RPLP0: variants seen among roughly 807,000 people sequenced by gnomAD.
The protein encoded by RPLP0 is ribosomal protein lateral stalk subunit P0.
For synonymous variants in RPLP0, 137 were observed against 153.4 expected (o/e 0.89, Z 0.79); for missense variants, 276 against 402.9 (o/e 0.69, Z 2.70).
intron 7 of RPLP0, 91 bp from the exon 8 acceptor site, chr12:120,197,025 A>G (rs1393455636): frequency 1.2e-5 from 19 of 1,578,828 alleles, no homozygotes; most frequent in Non-Finnish European, 1.5e-5. Flanking sequence ...AGGACCAACA[A>G]TATCAAAGTC....
intron 6 of RPLP0, 157 bp from the exon 7 acceptor site, chr12:120,197,619 G>C (rs1879233034): frequency 1.8e-5 from 14 of 796,430 alleles, no homozygotes; most frequent in Middle Eastern, 3.6e-4. Flanking sequence ...GCTCCTGGCA[G>C]AGCAATTCAG....
chr12:120,197,503 A>G (rs1376797902), intron 6 of RPLP0, 41 bp from the exon 7 acceptor site: 10 of 1,604,488 alleles, frequency 6.2e-6, no homozygotes, highest in South Asian at 1.1e-5. Context: ...GATTCCCTAC[A>G]GGAAAGGAAG....
In RPLP0 at chr12:120,198,651, A is replaced by G; in HGVS notation, c.554T>C (p.Phe185Ser). 2.5e-6 allele frequency: 4 copies of G among 1,614,082 alleles called. No individual in the cohort carries two copies. Among genetic ancestry groups the G allele is most frequent in the African/African-American group, 1.3e-5 (1 of 75,046 alleles). The stretch of plus-strand genomic sequence containing the variant: ...GAACACCTGCTGGATGACCAGCCCA[A>G]AGGAGAAGGGGGAGATGTTGAGCAT... ...LNMLNISPFS[F>S]GLVIQQVFDN... The change falls in exon 6 of 8, where the codon TTT (phenylalanine) becomes TCT (serine). Residue 185 changes from phenylalanine to serine, a missense_variant. Physicochemically the swap from Phe to Ser is radical, Grantham distance 155. Coordinates refer to ENST00000392514, the MANE Select transcript of RPLP0 (RefSeq NM_001002.4). This position sits in a 1 kb window ranked among gnomAD's most constrained non-coding sequence, Gnocchi z 4.1.
intron 2 of RPLP0, chr12:120,199,754 G>A: frequency 2.4e-6 from 1 of 421,978 alleles, no homozygotes; most frequent in East Asian, 5.0e-5. Context: ...TACCAGGCAT[G>A]CTTCTGATTC....
chr12:120,198,420 A>G lies in RPLP0; in HGVS notation c.651+134T>C. On this transcript the variant is annotated intron_variant, in intron 6 of 7. Coordinates refer to ENST00000392514, the MANE Select transcript of RPLP0 (RefSeq NM_001002.4). This position sits in a 1 kb window ranked among gnomAD's most constrained non-coding sequence, Gnocchi z 4.1. ...AAAAAAAAAATCCTTCAACAATCTT[A>G]TGTTGTTACTGACATTTTACAGATG... 4.5e-6 allele frequency: 4 copies of G among 891,756 alleles called. No individual in the cohort carries two copies. Among genetic ancestry groups the G allele is most frequent in the Non-Finnish European group, 6.9e-6 (4 of 583,576 alleles). 55.2% of individuals were successfully genotyped at this position (891,756 alleles called of 1,614,324 possible).
intron 2 of RPLP0, 121 bp from the exon 3 acceptor site, chr12:120,199,606 C>T: frequency 9.5e-7 from 1 of 1,049,942 alleles, no homozygotes; most frequent in Non-Finnish European, 1.4e-6. Flanking sequence ...CTTTTGAAGT[C>T]AGAGGGAGAT....
chr12:120,199,978 A>G (rs1879354584), intron 2 of RPLP0: 1 of 454,636 alleles, frequency 2.2e-6, no homozygotes, highest in Non-Finnish European at 4.4e-6. Context: ...AATACAAGCT[A>G]TGCTCTACAA....
rs370086153 is a variant in RPLP0 at position 120,199,874 on chromosome 12, T to G, written c.55-389A>C. ...ACGTTAAGCAAATATAGCAACATTATTATTTGTAAAAACAATCTAGGCGTG... is the reference window on the plus strand; with the variant it reads ...ACGTTAAGCAAATATAGCAACATTAGTATTTGTAAAAACAATCTAGGCGTG... On this transcript the variant is annotated intron_variant, in intron 2 of 7. Coordinates refer to ENST00000392514, the MANE Select transcript of RPLP0 (RefSeq NM_001002.4). 1.9e-4 allele frequency: 69 copies of G among 370,020 alleles called. 1 individual carries two copies. Among genetic ancestry groups the G allele is most frequent in the East Asian group, 1.2e-3 (16 of 13,482 alleles). 22.9% of individuals were successfully genotyped at this position (370,020 alleles called of 1,614,324 possible). A position where few individuals can be genotyped will look rare whatever the true frequency, so the allele number is the denominator to read the frequency against.
At chr12:120,200,596 TAACTA>T (rs1462480389) in intron 2 of RPLP0, 129 bp downstream of exon 2, 2 of 953,990 alleles carry the variant, frequency 2.1e-6, no homozygotes, top group African/African-American at 3.3e-5. Flanking sequence ...AGGAAATTGT[TAACTA>T]AACAGTATTT....
In RPLP0 at chr12:120,200,848, A is replaced by C; in HGVS notation, c.-48-17T>G. 6.3e-7 allele frequency: 1 copy of C among 1,580,076 alleles called. No homozygotes were observed. Among genetic ancestry groups the C allele is most frequent in the Non-Finnish European group, 8.6e-7 (1 of 1,163,520 alleles). ...ACGATGTCACTGAGGAGAGACAGGG[A>C]GCTCAGGCCTGGTCACGCCGACACC... is the stretch of plus-strand genomic sequence containing the variant. On this transcript the variant is annotated splice_polypyrimidine_tract_variant and intron_variant, in intron 1 of 7. Transcript: ENST00000392514.
In RPLP0 at chr12:120,198,016, C is replaced by T. The variant is rs1566327405; in HGVS notation, c.651+538G>A. On this transcript the variant is annotated intron_variant, in intron 6 of 7. Coordinates refer to ENST00000392514, the MANE Select transcript of RPLP0 (RefSeq NM_001002.4). The surrounding 1 kb of genome is among the most constrained non-coding windows in gnomAD (Gnocchi z 4.1). ...CCATGTCAGCTCACCGCAACCTCCACCTCTTAAAAGGCTTTTGATGGCAAA... is the reference window on the plus strand; with the variant it reads ...CCATGTCAGCTCACCGCAACCTCCATCTCTTAAAAGGCTTTTGATGGCAAA... Among the ~76,000 whole-genome samples, 1 of 152,060 alleles carries T rather than the reference C, an allele frequency of 6.6e-6. No homozygotes were observed. Among genetic ancestry groups the T allele is most frequent in the Non-Finnish European group, 1.5e-5 (1 of 68,028 alleles).
In RPLP0 at chr12:120,197,310, G is replaced by A. The variant is rs1204888288; in HGVS notation, c.792+12C>T. On this transcript the variant is annotated intron_variant, in intron 7 of 7. Coordinates refer to ENST00000392514, the MANE Select transcript of RPLP0 (RefSeq NM_001002.4). ...AGTCAGGCCCACTGTGGTCCTGGTGGGATCCTTTTACCTTTTCAGCAAGTG... is the reference window on the plus strand; with the variant it reads ...AGTCAGGCCCACTGTGGTCCTGGTGAGATCCTTTTACCTTTTCAGCAAGTG... 2 of 1,612,952 alleles carry A rather than the reference G, an allele frequency of 1.2e-6. No individual in the cohort carries two copies. Among genetic ancestry groups the A allele is most frequent in the Admixed American group, 3.3e-5 (2 of 59,984 alleles).
intron 2 of RPLP0, chr12:120,200,143 C>T: frequency 2.2e-6 from 1 of 455,594 alleles, no homozygotes; most frequent in South Asian, 1.5e-5. Context: ...TCATTCCTGA[C>T]CTCAGACCTT....
In RPLP0 at chr12:120,199,339, C is replaced by G; in HGVS notation, c.201G>C (p.Gly67=). 6.2e-7 allele frequency: 1 copy of G among 1,614,196 alleles called. No individual in the cohort carries two copies. Among genetic ancestry groups the G allele is most frequent in the Non-Finnish European group, 8.5e-7 (1 of 1,180,034 alleles). ...KNTMMRKAIR[G]HLENNPALEK... ...CCAGAGCTGGGTTGTTTTCCAGGTG[C>G]CCTCGGATGGCCTTGCGCATCATGG... The change falls in exon 3 of 8, where the codon GGG becomes GGC. Residue 67 remains glycine, a synonymous_variant. Coordinates refer to ENST00000392514, the MANE Select transcript of RPLP0 (RefSeq NM_001002.4).
chr12:120,199,259 A>G (rs1219977761), intron 3 of RPLP0, 51 bp downstream of exon 3: 1 of 1,613,078 alleles, frequency 6.2e-7, no homozygotes, highest in Non-Finnish European at 8.5e-7. Flanking sequence ...TTCTCCAGGA[A>G]GAGGGAGACG....
chr12:120,200,607 T>G, intron 2 of RPLP0, 123 bp downstream of exon 2: 1 of 1,075,892 alleles, frequency 9.3e-7, no homozygotes. Flanking sequence ...AACTAAACAG[T>G]ATTTTCCCAA....
chr12:120,200,588 G>T (rs754146322), intron 2 of RPLP0, 142 bp downstream of exon 2: 220 of 884,162 alleles, frequency 2.5e-4, no homozygotes, highest in Non-Finnish European at 3.3e-4. Flanking sequence ...CCTATCTCAG[G>T]AAATTGTTAA....
intron 1 of RPLP0, 54 bp downstream of exon 1, chr12:120,201,029 C>T: frequency 4.0e-6 from 2 of 503,584 alleles, no homozygotes; most frequent in Non-Finnish European, 6.7e-6. Context: ...CCCCAAAGAC[C>T]CCTCCATGCT....
intron 6 of RPLP0, 87 bp from the exon 7 acceptor site, chr12:120,197,549 A>G: frequency 6.7e-7 from 1 of 1,484,438 alleles, no homozygotes. Flanking sequence ...CCCTTAGCAG[A>G]CAATAATTGC....
Sources: gnomAD v4.1 joint callset for allele counts (sites outside exome capture counted in the v4.1 genomes callset) on GRCh38, gnomAD v4.1.1 for gene constraint, Gnocchi (gnomAD v3.1) non-coding constraint, MANE v1.5 for transcripts, NCBI Gene and HGNC (gene_info 2026-07-23, HGNC 2026-07-21) for gene names.